The following PAPPA variants were observed in gnomAD, a reference collection of about 807,000 sequenced individuals.
PAPPA encodes the protein pappalysin-1.
Under a neutral mutation model 164.0 loss-of-function variants are expected in PAPPA, and 60 were observed. The ratio of observed to expected loss-of-function variants is 0.37; its 90% CI spans 0.30 to 0.45. The LOEUF is 0.45. Ranked by LOEUF, PAPPA falls within the 20% of genes least tolerant of loss-of-function variation. The pLI is 1.00. For synonymous variants in PAPPA, 875 were observed against 814.1 expected (o/e 1.07, Z -1.27); for missense variants, 1,782 against 2,087.3 (o/e 0.85, Z 2.85).
In PAPPA at chr9:116,347,608, C is replaced by T. The variant is rs1846228564; in HGVS notation, c.3964+399C>T. Among the ~76,000 whole-genome samples the T allele has an allele frequency of 6.6e-6, 1 of 152,176 alleles. No individual in the cohort carries two copies. Among genetic ancestry groups the T allele is most frequent in the South Asian group, 2.1e-4 (1 of 4,818 alleles). ...AAGCGTTACTATTATTCCCATTTCACAGATGAGGAAACCAAGCCTCAGAGG... is the reference window on the plus strand; with the variant it reads ...AAGCGTTACTATTATTCCCATTTCATAGATGAGGAAACCAAGCCTCAGAGG... On this transcript the variant is annotated intron_variant, in intron 15 of 21. Transcript: ENST00000328252. The surrounding 1 kb of genome is among the most constrained non-coding windows in gnomAD (Gnocchi z 4.5).
chr9:116,355,931 G>T (rs1208661338), intron 17 of PAPPA, among the ~76,000 whole-genome samples: 1 of 152,060 alleles, frequency 6.6e-6, no homozygotes, highest in East Asian at 1.9e-4. Context: ...CTCAGATCAG[G>T]GCCTGAGAGC....
intron 1 of PAPPA, among the ~76,000 whole-genome samples, chr9:116,180,578 C>T (rs891398803): frequency 1.3e-5 from 2 of 152,088 alleles, no homozygotes; most frequent in Non-Finnish European, 2.9e-5. Context: ...GCAGAAATGT[C>T]CTGGTGGAGT....
Position 116,227,439 on chromosome 9 carries a change from G to T in PAPPA, c.2120G>T (p.Gly707Val). The T allele has an allele frequency of 6.2e-7, 1 of 1,613,940 alleles. No individual in the cohort carries two copies. Among genetic ancestry groups the T allele is most frequent in the Non-Finnish European group, 8.5e-7 (1 of 1,179,938 alleles). The change falls in exon 6 of 22, where the codon GGA becomes GTA. Residue 707 changes from glycine to valine, a missense_variant. Around this residue, in one of 2 missense-constraint regions of PAPPA, gnomAD observed 1,324 missense variants for 1,656.9 expected, o/e 0.80. Transcript: ENST00000328252. ...IDGHFFEREL[G>V]SACHLCLEGR... ...TTTCCTTGGCCTCCTAGAGAATTGG[G>T]ATCAGCATGTCATCTTTGCCTGGAA...
At chr9:116,196,704 G>A (rs906065145) in intron 2 of PAPPA, among the ~76,000 whole-genome samples, 4 of 152,128 alleles carry the variant, frequency 2.6e-5, no homozygotes, top group Admixed American at 6.5e-5. Flanking sequence ...GAATATGCTC[G>A]TGTTTTCCCA....
chr9:116,236,733 A>T (rs1314234487), intron 7 of PAPPA, among the ~76,000 whole-genome samples: 1 of 110,644 alleles, frequency 9.0e-6, no homozygotes, highest in Non-Finnish European at 2.3e-5. Context: ...AAAATGGGCT[A>T]AGGTCTTTGC....
chr9:116,358,815 G>A (rs905832276), intron 17 of PAPPA, among the ~76,000 whole-genome samples: 7 of 152,162 alleles, frequency 4.6e-5, no homozygotes, highest in Admixed American at 6.5e-5. Context: ...TGTGACTTGG[G>A]CACATTGCCT....
intron 21 of PAPPA, among the ~76,000 whole-genome samples, chr9:116,387,223 G>C (rs551936737): frequency 1.3e-5 from 2 of 152,162 alleles, no homozygotes; most frequent in Non-Finnish European, 1.5e-5. Context: ...CAGCCAAGTA[G>C]AGCACTGAGG....
At chr9:116,246,489 T>G (rs144623394) in intron 7 of PAPPA, among the ~76,000 whole-genome samples, 2 of 152,322 alleles carry the variant, frequency 1.3e-5, no homozygotes, top group Admixed American at 1.3e-4. Context: ...ACTTTACAGC[T>G]GAGAAAACTA....
At chr9:116,239,068 C>T (rs1844706976) in intron 7 of PAPPA, among the ~76,000 whole-genome samples, 1 of 152,118 alleles carries the variant, frequency 6.6e-6, no homozygotes, top group Non-Finnish European at 1.5e-5. Context: ...TTACATGATT[C>T]CCTTTGACCT....
chr9:116,366,381 C>A (rs1221704266), intron 18 of PAPPA, among the ~76,000 whole-genome samples: 1 of 152,196 alleles, frequency 6.6e-6, no homozygotes, highest in Non-Finnish European at 1.5e-5. Flanking sequence ...GTAGCCCTAT[C>A]TCTATTAGTC....
chr9:116,377,406 G>A (rs1249994459), intron 19 of PAPPA, among the ~76,000 whole-genome samples, 170 bp from the exon 20 acceptor site: 1 of 152,090 alleles, frequency 6.6e-6, no homozygotes, highest in African/African-American at 2.4e-5. Flanking sequence ...TTTTAATCTT[G>A]TGGCTCCTGT....
chr9:116,385,869 G>C (rs898798467), intron 21 of PAPPA, among the ~76,000 whole-genome samples: 2 of 152,204 alleles, frequency 1.3e-5, no homozygotes, highest in African/African-American at 4.8e-5. Flanking sequence ...TAGTCTATTA[G>C]AGGAGCCTGT....
intron 5 of PAPPA, 117 bp from the exon 6 acceptor site, chr9:116,227,314 A>G: frequency 1.9e-6 from 2 of 1,066,854 alleles, no homozygotes; most frequent in Non-Finnish European, 2.8e-6. Context: ...TAGGCAGGAA[A>G]GGGGGAAACA....
intron 7 of PAPPA, among the ~76,000 whole-genome samples, chr9:116,261,725 C>T (rs1462799332): frequency 2.0e-5 from 3 of 151,948 alleles, no homozygotes; most frequent in Non-Finnish European, 4.4e-5. Context: ...GCTCTAAATT[C>T]GATACACATT....
intron 1 of PAPPA, among the ~76,000 whole-genome samples, chr9:116,155,996 C>A (rs1308581050): frequency 2.0e-5 from 3 of 151,574 alleles, no homozygotes; most frequent in Admixed American, 1.3e-4. Context: ...TAATTTGGAA[C>A]AGAGGAAACG....
intron 3 of PAPPA, among the ~76,000 whole-genome samples, chr9:116,208,019 C>T (rs559187510): frequency 6.6e-6 from 1 of 152,312 alleles, no homozygotes; most frequent in East Asian, 1.9e-4. Flanking sequence ...CACAGCCAGT[C>T]ATGGGTTGGC....
At chr9:116,374,173 A>G (rs10817875) in intron 19 of PAPPA, among the ~76,000 whole-genome samples, 4 of 139,390 alleles carry the variant, frequency 2.9e-5, no homozygotes, top group Non-Finnish European at 3.1e-5. Context: ...GGTGGTGTTG[A>G]TGATGATGAT....
chr9:116,367,793 G>C, intron 19 of PAPPA, 39 bp downstream of exon 19: 1 of 1,364,970 alleles, frequency 7.3e-7, no homozygotes, highest in Non-Finnish European at 1.0e-6. Flanking sequence ...GCAGCTAAGG[G>C]GGAGGGAAAT....
chr9:116,199,627 A>G (rs1844147649), intron 2 of PAPPA, among the ~76,000 whole-genome samples: 1 of 152,126 alleles, frequency 6.6e-6, no homozygotes, highest in African/African-American at 2.4e-5. Flanking sequence ...GACTCCCAGG[A>G]CACTTTCAAT....
Sources: allele counts gnomAD v4.1 joint callset (sites outside exome capture counted in the v4.1 genomes callset), GRCh38; gene constraint gnomAD v4.1.1; regional missense constraint gnomAD v4.1.1; non-coding constraint Gnocchi (gnomAD v3.1); transcripts MANE v1.5; gene names NCBI Gene and HGNC (gene_info 2026-07-23, HGNC 2026-07-21).